The following CORO2B variants were observed in gnomAD, a reference collection of about 807,000 sequenced individuals.
The protein encoded by CORO2B is coronin 2B.
A neutral mutation model predicts 58.8 loss-of-function variants in CORO2B; 26 were observed. That is an observed-to-expected ratio of 0.44 (90% CI 0.32 to 0.61). CORO2B has a LOEUF of 0.61. Ranked by LOEUF, CORO2B falls within the 20% of genes least tolerant of loss-of-function variation. CORO2B has a pLI of 0.04. For missense variants in CORO2B, 460 were observed against 645.1 expected (o/e 0.71, Z 3.11); for synonymous variants, 242 against 253.8 (o/e 0.95, Z 0.44).
intron 1 of CORO2B, among the ~76,000 whole-genome samples, chr15:68,624,981 A>C (rs1199480921): frequency 6.6e-6 from 1 of 152,142 alleles, no homozygotes; most frequent in African/African-American, 2.4e-5. Flanking sequence ...GCACCCAGCC[A>C]TGTCTCTGTT....
intron 1 of CORO2B, among the ~76,000 whole-genome samples, chr15:68,640,031 C>A (rs1425465836): frequency 1.3e-5 from 2 of 152,234 alleles, no homozygotes; most frequent in Non-Finnish European, 2.9e-5. Flanking sequence ...CTCGGCAAGG[C>A]CTCCTCTCTC....
chr15:68,600,948 C>A (rs1433485080), intron 1 of CORO2B, among the ~76,000 whole-genome samples: 1 of 152,168 alleles, frequency 6.6e-6, no homozygotes, highest in Non-Finnish European at 1.5e-5. Context: ...CTAGAAATGA[C>A]CGGAGAGAGA....
intron 5 of CORO2B, among the ~76,000 whole-genome samples, chr15:68,712,479 A>G (rs929568145): frequency 1.3e-5 from 2 of 152,210 alleles, no homozygotes; most frequent in African/African-American, 4.8e-5. Context: ...GGAACATTTC[A>G]GATTTTGGAT....
At chr15:68,658,234 G>T (rs754224556) in intron 2 of CORO2B, among the ~76,000 whole-genome samples, 1 of 152,226 alleles carries the variant, frequency 6.6e-6, no homozygotes, top group African/African-American at 2.4e-5. Flanking sequence ...AGCTTGGGTC[G>T]GTAGGAGCCC....
intron 1 of CORO2B, among the ~76,000 whole-genome samples, chr15:68,599,437 T>G (rs906599590): frequency 1.3e-5 from 2 of 152,230 alleles, no homozygotes; most frequent in Non-Finnish European, 2.9e-5. Flanking sequence ...TTATATTTTT[T>G]GCATGGATAT....
At chr15:68,719,392 C>T (rs1325212500) in intron 10 of CORO2B, 21 bp from the exon 11 acceptor site, 11 of 1,612,012 alleles carry the variant, frequency 6.8e-6, no homozygotes, top group South Asian at 1.1e-5. Context: ...TCAGTGAGAG[C>T]GTTTCCCTTG....
At chr15:68,650,557 A>G (rs1167439344) in intron 2 of CORO2B, among the ~76,000 whole-genome samples, 1 of 152,164 alleles carries the variant, frequency 6.6e-6, no homozygotes, top group East Asian at 1.9e-4. Context: ...AGTTGTAGTG[A>G]GCCGAAATCG....
chr15:68,701,074 C>T (rs924090911), intron 3 of CORO2B, among the ~76,000 whole-genome samples: 3 of 152,190 alleles, frequency 2.0e-5, no homozygotes, highest in Admixed American at 2.0e-4. Context: ...ACCTCCCGAG[C>T]TCCGGAACCA....
the CORO2B span, among the ~76,000 whole-genome samples, chr15:68,533,902 A>C: frequency 6.6e-6 from 1 of 152,134 alleles, no homozygotes; most frequent in Admixed American, 6.5e-5. Flanking sequence ...GCTTGTGCCC[A>C]GCCTCCTTAC....
intron 1 of CORO2B, among the ~76,000 whole-genome samples, chr15:68,639,208 C>G (rs971186555): frequency 2.0e-5 from 3 of 152,160 alleles, no homozygotes; most frequent in African/African-American, 7.2e-5. Context: ...CTCTTGCCCC[C>G]CTACCATACT....
At chr15:68,609,951 AG>A in intron 1 of CORO2B, among the ~76,000 whole-genome samples, 1 of 152,278 alleles carries the variant, frequency 6.6e-6, no homozygotes, top group Non-Finnish European at 1.5e-5. Flanking sequence ...GCCCATCCCC[AG>A]GGGACCCTGT....
intron 2 of CORO2B, among the ~76,000 whole-genome samples, chr15:68,683,507 T>C (rs1401201214): frequency 6.6e-6 from 1 of 152,242 alleles, no homozygotes; most frequent in Non-Finnish European, 1.5e-5. Context: ...ATAGATGCTG[T>C]CATGTAACTT....
Position 68,710,817 on chromosome 15 carries a change from T to TC in CORO2B, c.419_420insC (p.Leu142AlafsTer30), listed in dbSNP as rs1892897434. On this transcript the variant is annotated frameshift_variant, in exon 4 of 12. Coordinates refer to ENST00000261861, the MANE Select transcript of CORO2B (RefSeq NM_006091.5). LOFTEE classifies it high-confidence loss of function. The surrounding 1 kb of genome is among the most constrained non-coding windows in gnomAD (Gnocchi z 4.1). ...GAGCTGCACGGGCACAGCCGGCGTGTGGGGCTGGTCGAGTGGCACCCCACC... is the reference window on the plus strand; with the variant it reads ...GAGCTGCACGGGCACAGCCGGCGTGTCGGGGCTGGTCGAGTGGCACCCCACC... 3 of 1,611,886 alleles carry TC rather than the reference T, an allele frequency of 1.9e-6. No homozygotes were observed. The highest frequency in any genetic ancestry group is 3.3e-5 in the Admixed American group (2 of 59,724).
chr15:68,627,691 G>T (rs1166097735), intron 1 of CORO2B, among the ~76,000 whole-genome samples: 1 of 152,084 alleles, frequency 6.6e-6, no homozygotes, highest in Non-Finnish European at 1.5e-5. Context: ...AATGGCTTCT[G>T]CCCTGACCCT....
intron 2 of CORO2B, among the ~76,000 whole-genome samples, chr15:68,670,639 A>C (rs1412408097): frequency 6.6e-6 from 1 of 152,240 alleles, no homozygotes; most frequent in Non-Finnish European, 1.5e-5. Flanking sequence ...ACCATTAGGA[A>C]ATAATTGAGG....
At chr15:68,631,519 T>C (rs1250314957) in intron 1 of CORO2B, among the ~76,000 whole-genome samples, 2 of 152,218 alleles carry the variant, frequency 1.3e-5, no homozygotes, top group African/African-American at 2.4e-5. Context: ...TGGCCCACTT[T>C]GGAACAGTGT....
At chr15:68,630,281 G>A (rs111908323) in intron 1 of CORO2B, among the ~76,000 whole-genome samples, 3,350 of 152,248 alleles carry the variant, frequency 0.022, 45 homozygotes, top group Non-Finnish European at 0.035. Context: ...CTTGACTATC[G>A]CTCCCTCGAC....
chr15:68,539,952 T>C, the CORO2B span, among the ~76,000 whole-genome samples: 1 of 152,224 alleles, frequency 6.6e-6, no homozygotes, highest in African/African-American at 2.4e-5. Context: ...AAAATCTGGC[T>C]TTACGCAAGC....
In CORO2B at chr15:68,689,829, A is replaced by C. The variant is rs192892742; in HGVS notation, c.217-5311A>C. Among the ~76,000 whole-genome samples the C allele has an allele frequency of 1.9e-4, 29 of 152,368 alleles. No homozygotes were observed. In the East Asian group the frequency reaches 5.0e-3, roughly 26 times the overall value. Reference sequence around the variant, plus strand: ...ATGTTTGTTAAAGTAATAAATGTGCAGAGGTCAGAAGGTCTAATAATACTC... The same window carrying C: ...ATGTTTGTTAAAGTAATAAATGTGCCGAGGTCAGAAGGTCTAATAATACTC... On this transcript the variant is annotated intron_variant, in intron 2 of 11. Transcript: ENST00000261861.
Sources: gnomAD v4.1 joint callset for allele counts (sites outside exome capture counted in the v4.1 genomes callset) on GRCh38, gnomAD v4.1.1 for gene constraint, Gnocchi (gnomAD v3.1) non-coding constraint, MANE v1.5 for transcripts, NCBI Gene and HGNC (gene_info 2026-07-23, HGNC 2026-07-21) for gene names.